Variants in RPUSD3 observed in about 807,000 individuals in gnomAD.
RPUSD3 encodes the protein mitochondrial mRNA pseudouridine synthase RPUSD3.
Under a neutral mutation model 35.1 loss-of-function variants are expected in RPUSD3, and 36 were observed. The observed-to-expected ratio is 1.02, with a 90% confidence interval of 0.79 to 1.35. The LOEUF (loss-of-function observed/expected upper bound fraction) is 1.35, where lower values mean the gene tolerates loss of function less well. RPUSD3 is among the 40% of genes most tolerant of loss of function. The pLI, the probability that RPUSD3 is intolerant of heterozygous loss-of-function variation, is 0.00. For synonymous variants in RPUSD3, 202 were observed against 187.8 expected, an observed-to-expected ratio of 1.08 and a Z score of -0.62; for missense variants, 486 against 441.9, an observed-to-expected ratio of 1.10 and a Z score of -0.89.
exon 9 of RPUSD3, chr3:9,837,859 A>G: frequency 1.4e-6 from 1 of 702,142 alleles, no homozygotes; most frequent in Non-Finnish European, 2.2e-6. Context: ...TGAGGTAGGA[A>G]CTTTTATTAT....
At chr3:9,843,523 T>C (rs770319060) in exon 2 of RPUSD3, 4 of 1,614,010 alleles carry the variant, frequency 2.5e-6, no homozygotes, top group Non-Finnish European at 3.4e-6. Context: ...GACTGAGGTT[T>C]TTTGGCAGCA....
chr3:9,837,985 G>T, exon 9 of RPUSD3: 1 of 1,524,752 alleles, frequency 6.6e-7, no homozygotes, highest in Non-Finnish European at 8.8e-7. Flanking sequence ...ACTTTCCAGT[G>T]TGTGTGAGGG....
At chr3:9,839,341 C>G in intron 7 of RPUSD3, 170 bp from the exon 8 acceptor site, 1 of 641,268 alleles carries the variant, frequency 1.6e-6, no homozygotes, top group South Asian at 2.3e-5. Context: ...CATAACACGT[C>G]AGGACGATCA....
chr3:9,840,363 G>A, intron 6 of RPUSD3, 56 bp from the exon 7 acceptor site: 1 of 1,613,978 alleles, frequency 6.2e-7, no homozygotes, highest in South Asian at 1.1e-5. Context: ...GCTATACCCA[G>A]ACCCTCCCTG....
At chr3:9,842,633 C>T (rs1207577487) in intron 2 of RPUSD3, 7 of 271,726 alleles carry the variant, frequency 2.6e-5, no homozygotes, top group South Asian at 4.6e-5. Flanking sequence ...CCATTTCTCC[C>T]GTTAGAGAGA....
chr3:9,839,659 CCT>C (rs200070808), intron 7 of RPUSD3: 3,124 of 156,340 alleles, frequency 0.02, 93 homozygotes, highest in African/African-American at 0.07. Flanking sequence ...CTCACTGCAA[CCT>C]CTGTCTCCCA....
At chr3:9,839,092 C>T (rs1228305285) in exon 8 of RPUSD3, 4 of 1,614,092 alleles carry the variant, frequency 2.5e-6, no homozygotes, top group African/African-American at 1.3e-5. Context: ...GGACAGTGCC[C>T]ACACGGGCAG....
intron 7 of RPUSD3, 81 bp from the exon 8 acceptor site, chr3:9,839,252 T>C: frequency 1.3e-6 from 2 of 1,495,798 alleles, no homozygotes; most frequent in Non-Finnish European, 1.8e-6. Flanking sequence ...CCTTTTCCTT[T>C]GGGGAAACAC....
At chr3:9,837,980 C>A (rs928366646) in exon 9 of RPUSD3, 7 of 1,516,748 alleles carry the variant, frequency 4.6e-6, no homozygotes, top group Non-Finnish European at 6.2e-6. Context: ...CCCTCACTTT[C>A]CAGTGTGTGT....
At chr3:9,837,912 G>T in exon 9 of RPUSD3, 2 of 1,268,682 alleles carry the variant, frequency 1.6e-6, no homozygotes, top group Non-Finnish European at 2.1e-6. Flanking sequence ...ATGCCACACA[G>T]CAAGCAAGTG....
chr3:9,843,059 T>G, intron 2 of RPUSD3: 1 of 172,430 alleles, frequency 5.8e-6, no homozygotes. Context: ...ACCTGGCTAA[T>G]TTTTGTGTTT....
rs769338021 is a variant in RPUSD3, at chr3:9,840,729, G to A, written c.484C>T (p.Arg162Trp). The change falls in exon 5 of 9, where the codon CGG (arginine) becomes TGG (tryptophan). Residue 162 changes from arginine (R) to tryptophan (W), a missense_variant. Physicochemically the swap from Arg to Trp is moderately radical, Grantham distance 101 (BLOSUM62 -3). Transcript: ENST00000383820. ...GTGGCTGTGGGCCTTTGGGCTCTCC[G>A]TGCATGGGTGAAGTACTTCTGGAGG... 84 of 1,614,144 alleles carry A rather than the reference G, an allele frequency of 5.2e-5. 4 individuals carry two copies. In the Middle Eastern group the frequency reaches 8.7e-3, roughly 168 times the overall value.
Position 9,840,621 on chromosome 3 carries a change from G to C in RPUSD3, c.516-5C>G, listed in dbSNP as rs756545138. The C allele has an allele frequency of 3.1e-6, 5 of 1,613,588 alleles. No homozygotes were observed. The Admixed American group carries it at 6.7e-5, about 22-fold the overall frequency. ...GGGATCCCATCAGTGACAGCACTGA[G>C]AAAGGGGCAGGAGGAGGTCACAGGG... On this transcript the variant is annotated splice_region_variant and splice_polypyrimidine_tract_variant and intron_variant, in intron 5 of 8. Transcript: ENST00000383820.
chr3:9,838,892 G>A (rs2082061895), intron 8 of RPUSD3, 140 bp downstream of exon 8: 2 of 1,074,204 alleles, frequency 1.9e-6, no homozygotes, highest in Admixed American at 4.6e-5. Flanking sequence ...ACACCAAGAT[G>A]TGGGTACGGA....
At chr3:9,843,322 T>C in intron 2 of RPUSD3, 143 bp downstream of exon 2, 1 of 1,172,040 alleles carries the variant, frequency 8.5e-7, no homozygotes, top group Non-Finnish European at 1.2e-6. Flanking sequence ...GGGGAGAGGG[T>C]GCAAATTAGG....
At chr3:9,840,104 A>C in intron 7 of RPUSD3, 80 bp downstream of exon 7, 1 of 1,541,930 alleles carries the variant, frequency 6.5e-7, no homozygotes. Flanking sequence ...CTGGTCTTGA[A>C]CTCCTGACCT....
chr3:9,842,456 C>T, intron 2 of RPUSD3: 2 of 609,866 alleles, frequency 3.3e-6, no homozygotes, highest in Non-Finnish European at 3.0e-6. Flanking sequence ...CCCAAATTTC[C>T]CAGGTCTGGC....
intron 2 of RPUSD3, 90 bp from the exon 3 acceptor site, chr3:9,842,333 T>A: frequency 4.9e-6 from 6 of 1,214,350 alleles, no homozygotes; most frequent in Non-Finnish European, 6.1e-6. Flanking sequence ...CTCACGCATC[T>A]TAGCACATGT....
At chr3:9,841,921 G>T in intron 4 of RPUSD3, 62 bp downstream of exon 4, 1 of 1,346,442 alleles carries the variant, frequency 7.4e-7, no homozygotes, top group Non-Finnish European at 1.0e-6. Context: ...TCCCCAAGCA[G>T]CTGTTTCCCC....
Sources: allele counts gnomAD v4.1 joint callset, GRCh38; gene constraint gnomAD v4.1.1; transcripts MANE v1.5; gene names NCBI Gene and HGNC (gene_info 2026-07-23, HGNC 2026-07-21).